GLYR1: variants seen among roughly 807,000 people sequenced by gnomAD.
GLYR1 encodes the protein glyoxylate reductase 1 homolog.
A neutral mutation model predicts 72.7 loss-of-function variants in GLYR1; 21 were observed. The ratio of observed to expected loss-of-function variants is 0.29; its 90% confidence interval spans 0.20 to 0.42. GLYR1 has a LOEUF of 0.42. Among genes scored for constraint, GLYR1 ranks in the 10% least tolerant of loss-of-function variants. GLYR1 has a pLI of 1.00. For synonymous variants in GLYR1, 392 were observed against 270.2 expected, an observed-to-expected ratio of 1.45 and a Z score of -4.42; for missense variants, 594 against 712.1, an observed-to-expected ratio of 0.83 and a Z score of 1.89.
intron 12 of GLYR1, 68 bp from the exon 13 acceptor site, chr16:4,812,316 A>G: frequency 1.3e-6 from 2 of 1,511,806 alleles, no homozygotes; most frequent in Non-Finnish European, 1.8e-6. Flanking sequence ...GGACTCAAGG[A>G]GTGTTGCTGA....
intron 5 of GLYR1, among the ~76,000 whole-genome samples, chr16:4,825,198 T>C (rs933477926): frequency 2.0e-5 from 3 of 152,290 alleles, no homozygotes; most frequent in Non-Finnish European, 4.4e-5. Context: ...CAGTCTCACA[T>C]AGTAAAGCTA....
chr16:4,843,672 A>G (rs1248177420), intron 3 of GLYR1: 1 of 1,265,528 alleles, frequency 7.9e-7, no homozygotes. Flanking sequence ...ACTGTTTATA[A>G]TATATCGCTT....
chr16:4,839,665 A>G (rs2085403276), intron 3 of GLYR1: 1 of 152,202 alleles, frequency 6.6e-6, no homozygotes, highest in South Asian at 2.1e-4. Context: ...CTGATTAGGA[A>G]GGTCTGGCCC....
chr16:4,814,527 G>A lies in GLYR1; in HGVS notation c.1017+10C>T, dbSNP rs761781498. 1 of 1,608,088 alleles carries A rather than the reference G, an allele frequency of 6.2e-7. No homozygotes were observed. Among genetic ancestry groups the A allele is most frequent in the Non-Finnish European group, 8.5e-7 (1 of 1,175,576 alleles). ...CCCGGAGTTGCTGAGGGGAGGGAGG[G>A]GGTCCTTACGTCCTTGGCCGCCTTG... On this transcript the variant is annotated intron_variant, in intron 11 of 15. Transcript: ENST00000321919.
At chr16:4,807,810 C>T (rs1029523218) in intron 15 of GLYR1, among the ~76,000 whole-genome samples, 1 of 152,294 alleles carries the variant, frequency 6.6e-6, no homozygotes, top group African/African-American at 2.4e-5. Context: ...ATAAAATACA[C>T]AACGAATTCT....
In GLYR1 at chr16:4,812,215, C is replaced by A; in HGVS notation, c.1153G>T (p.Ala385Ser). The change falls in exon 13 of 16, where the codon GCC (alanine) becomes TCC (serine). Residue 385 changes from alanine (A) to serine (S), a missense_variant. Ala to Ser is a moderately conservative substitution (Grantham distance 99). Around this residue, in one of 5 missense-constraint regions of GLYR1, gnomAD observed 266 missense variants for 358.4 expected, o/e 0.74. Coordinates refer to ENST00000321919, the MANE Select transcript of GLYR1 (RefSeq NM_032569.4). ...AGCTGCTGATTCCCTGAGACGGGGG[C>A]TTCCAGAAAGCGCCCCCCCCTGGAC... ...IVSRGGRFLE[A>S]PVSGNQQLSN... is the part of the protein sequence containing the mutation. 6.2e-7 allele frequency: 1 copy of A among 1,613,966 alleles called. No homozygotes were observed. The highest frequency in any genetic ancestry group is 8.5e-7 in the Non-Finnish European group (1 of 1,179,984).
At chr16:4,814,206 C>T (rs2083487424) in intron 11 of GLYR1, among the ~76,000 whole-genome samples, 1 of 152,122 alleles carries the variant, frequency 6.6e-6, no homozygotes, top group African/African-American at 2.4e-5. Flanking sequence ...TATACAAATA[C>T]AGTGACAGCT....
At position 4,805,184 on chromosome 16, in the gene GLYR1, G is replaced by A. The variant is rs1159944327; in HGVS notation, c.*52C>T. 2 of 1,475,130 alleles carry A rather than the reference G, an allele frequency of 1.4e-6. No individual in the cohort carries two copies. The highest frequency in any genetic ancestry group is 1.9e-6 in the Non-Finnish European group (2 of 1,055,988). The allele number at this position is 1,475,130 out of a possible 1,614,324, so 91.4% of individuals were successfully genotyped here. A position where few individuals can be genotyped will look rare whatever the true frequency, so the allele number is the denominator to read the frequency against. On this transcript the variant is annotated 3_prime_UTR_variant, in exon 16 of 16. Transcript: ENST00000321919. ...TCCCAGGCCCCCGACCCCATGTGAG[G>A]AAGAGGGGGTCAGAGGGGGGATTGG...
chr16:4,835,783 A>G (rs1018879579), intron 3 of GLYR1, among the ~76,000 whole-genome samples: 3 of 152,184 alleles, frequency 2.0e-5, no homozygotes, highest in African/African-American at 7.2e-5. Context: ...GTGAGCCAGT[A>G]TTGTGCCACT....
At chr16:4,809,381 G>A (rs973071557) in intron 15 of GLYR1, among the ~76,000 whole-genome samples, 3 of 151,180 alleles carry the variant, frequency 2.0e-5, no homozygotes, top group Non-Finnish European at 4.4e-5. Flanking sequence ...AGTAGAGATA[G>A]GGGTTTCAAC....
intron 12 of GLYR1, among the ~76,000 whole-genome samples, chr16:4,812,689 C>T (rs1173027766): frequency 6.6e-6 from 1 of 151,082 alleles, no homozygotes; most frequent in East Asian, 2.0e-4. Flanking sequence ...AGACAGGTTT[C>T]ACCATATTAG....
intron 9 of GLYR1, among the ~76,000 whole-genome samples, chr16:4,819,596 C>T (rs1443625741): frequency 6.6e-6 from 1 of 152,180 alleles, no homozygotes. Context: ...CAAGGATGAG[C>T]TACTGCGCTT....
chr16:4,814,162 T>C (rs974322981), intron 11 of GLYR1, among the ~76,000 whole-genome samples: 9 of 152,170 alleles, frequency 5.9e-5, no homozygotes, highest in Admixed American at 4.6e-4. Flanking sequence ...GTCACCAGTT[T>C]AATAAGATGA....
At chr16:4,821,649 T>G (rs140805423) in intron 7 of GLYR1, 52 bp from the exon 8 acceptor site, 2 of 1,528,712 alleles carry the variant, frequency 1.3e-6, no homozygotes, top group African/African-American at 2.7e-5. Flanking sequence ...GCTTAACCAG[T>G]CTTCATAATA....
At chr16:4,818,662 C>T (rs2083806543) in intron 9 of GLYR1, among the ~76,000 whole-genome samples, 1 of 152,216 alleles carries the variant, frequency 6.6e-6, no homozygotes, top group African/African-American at 2.4e-5. Context: ...ACTTCCTTGA[C>T]TGCATGAACC....
In GLYR1 at chr16:4,821,550, T is replaced by G. The variant is rs761411195; in HGVS notation, c.729A>C (p.Glu243Asp). Reference sequence around the variant, plus strand: ...GGGAGGCATGGAGCCTACATACCTCTTCACATATTTTCAACTTCTTCGTGA... The same window carrying G: ...GGGAGGCATGGAGCCTACATACCTCGTCACATATTTTCAACTTCTTCGTGA... Reference protein sequence around the residue: ...QAITKKLKICEEETGSTSIQA... With the variant: ...QAITKKLKICDEETGSTSIQA... Residue 243 changes from glutamate to aspartate, a missense_variant, in exon 8 of 16, where the codon GAA becomes GAC. Transcript: ENST00000321919. 7.4e-6 allele frequency: 12 copies of G among 1,613,928 alleles called. No individual in the cohort carries two copies. The highest frequency in any genetic ancestry group is 1.7e-5 in the Admixed American group (1 of 60,002).
chr16:4,831,870 C>A (rs2084822739), intron 5 of GLYR1, 109 bp downstream of exon 5: 1 of 1,443,200 alleles, frequency 6.9e-7, no homozygotes, highest in Admixed American at 2.4e-5. Flanking sequence ...GCTCCCACTC[C>A]ATGAGCAGAG....
In GLYR1 at chr16:4,832,915, A is replaced by G; in HGVS notation, c.156-3T>C. 2 of 1,608,832 alleles carry G rather than the reference A, an allele frequency of 1.2e-6. No individual in the cohort carries two copies. Among genetic ancestry groups the G allele is most frequent in the South Asian group, 2.2e-5 (2 of 89,830 alleles). On this transcript the variant is annotated splice_region_variant and splice_polypyrimidine_tract_variant and intron_variant, in intron 3 of 15. Coordinates refer to ENST00000321919, the MANE Select transcript of GLYR1 (RefSeq NM_032569.4). ...GCTGTTCCACTTTGATCCAGGCACT[A>G]GCAGAAAACAAACACAAAAAGGGTG...
chr16:4,807,617 C>T (rs1199338588), intron 15 of GLYR1, among the ~76,000 whole-genome samples: 1 of 152,168 alleles, frequency 6.6e-6, no homozygotes, highest in Non-Finnish European at 1.5e-5. Flanking sequence ...ATCCAAACGA[C>T]CTGAAAGCAG....
Sources: gnomAD v4.1 joint callset for allele counts (sites outside exome capture counted in the v4.1 genomes callset) on GRCh38, gnomAD v4.1.1 for gene constraint, gnomAD v4.1.1 regional missense constraint, MANE v1.5 for transcripts, NCBI Gene and HGNC (gene_info 2026-07-23, HGNC 2026-07-21) for gene names.